Variants in NBAS observed in about 807,000 individuals in gnomAD.
NBAS encodes NBAS subunit of NRZ tethering complex, also known as NAG/BC035112 fusion.
NBAS carries 219 observed loss-of-function variants against 302.5 expected under a neutral mutation model. The ratio of observed to expected loss-of-function variants is 0.72; its 90% confidence interval spans 0.65 to 0.81. The LOEUF (loss-of-function observed/expected upper bound fraction) is 0.81. Among genes scored for constraint, NBAS ranks in the 30% least tolerant of loss-of-function variants. The pLI is 0.00. For missense variants in NBAS, 2,932 were observed against 2,841.6 expected, an observed-to-expected ratio of 1.03 and a Z score of -0.72; for synonymous variants, 1,118 against 1,021.6, an observed-to-expected ratio of 1.09 and a Z score of -1.80.
chr2:14,780,263 T>C, the NBAS span, among the ~76,000 whole-genome samples: 1 of 152,236 alleles, frequency 6.6e-6, no homozygotes, highest in Non-Finnish European at 1.5e-5. Context: ...GTGTAACCTA[T>C]GGGCCTGTAC....
the NBAS span, among the ~76,000 whole-genome samples, chr2:14,992,060 T>C: frequency 6.6e-6 from 1 of 152,148 alleles, no homozygotes; most frequent in Non-Finnish European, 1.5e-5. Flanking sequence ...GGAACAGAGC[T>C]CAGTGTGGGC....
chr2:15,436,953 G>A (rs1678047539), intron 21 of NBAS, among the ~76,000 whole-genome samples: 1 of 152,136 alleles, frequency 6.6e-6, no homozygotes, highest in African/African-American at 2.4e-5. Flanking sequence ...GGATGATTAT[G>A]TATAAATAAA....
the NBAS span, among the ~76,000 whole-genome samples, chr2:14,944,029 G>C: frequency 6.6e-6 from 1 of 152,184 alleles, no homozygotes; most frequent in Non-Finnish European, 1.5e-5. Flanking sequence ...GCCAGGTGCG[G>C]TGGCTCACGC....
At chr2:15,097,077 C>T in the NBAS span, among the ~76,000 whole-genome samples, 1 of 152,136 alleles carries the variant, frequency 6.6e-6, no homozygotes, top group African/African-American at 2.4e-5. Flanking sequence ...TCCTGGGTGA[C>T]TCTGGGAACC....
In NBAS at chr2:15,179,147, C is replaced by T. The variant is rs748008997; in HGVS notation, c.6712-31G>A. 39 of 1,613,522 alleles carry T rather than the reference C, an allele frequency of 2.4e-5. No homozygotes were observed. In the South Asian group the frequency reaches 4.2e-4, roughly 17 times the overall value. On this transcript the variant is annotated intron_variant, in intron 50 of 51. Transcript: ENST00000281513. ...ACCACAGAGCAGGGGTGAGCGAGAA[C>T]TCCACGACGTACTTCTCACCGGCAC... is the stretch of plus-strand genomic sequence containing the variant.
chr2:15,465,939 C>T (rs1028943561), intron 19 of NBAS, among the ~76,000 whole-genome samples: 2 of 152,108 alleles, frequency 1.3e-5, no homozygotes, highest in South Asian at 2.1e-4. Flanking sequence ...CAGACTTCTG[C>T]AATATATTAC....
chr2:15,417,808 C>T (rs767336661), intron 23 of NBAS, 96 bp from the exon 24 acceptor site: 4 of 1,233,772 alleles, frequency 3.2e-6, no homozygotes, highest in Non-Finnish European at 4.5e-6. Context: ...TTCTTATAAT[C>T]ATTTTTTATA....
the NBAS span, among the ~76,000 whole-genome samples, chr2:15,154,954 G>A: frequency 6.6e-6 from 1 of 152,208 alleles, no homozygotes; most frequent in Non-Finnish European, 1.5e-5. Flanking sequence ...CTTTTCCAGT[G>A]TTCTAAGAGT....
chr2:14,873,919 T>C, the NBAS span, among the ~76,000 whole-genome samples: 1 of 151,978 alleles, frequency 6.6e-6, no homozygotes, highest in South Asian at 2.1e-4. Context: ...AAGAGCAAAT[T>C]AAGCACAAAA....
chr2:15,095,303 C>A, the NBAS span, among the ~76,000 whole-genome samples: 2 of 152,172 alleles, frequency 1.3e-5, no homozygotes, highest in Non-Finnish European at 2.9e-5. Flanking sequence ...TTAATGGACT[C>A]ACAGTTCCAC....
the NBAS span, among the ~76,000 whole-genome samples, chr2:14,965,265 A>G: frequency 6.6e-6 from 1 of 152,152 alleles, no homozygotes; most frequent in Admixed American, 6.6e-5. Flanking sequence ...ACTTTGACAG[A>G]TCAATAAAAT....
the NBAS span, among the ~76,000 whole-genome samples, chr2:14,784,130 T>G: frequency 3.3e-5 from 5 of 152,198 alleles, no homozygotes; most frequent in Non-Finnish European, 5.9e-5. Flanking sequence ...TTTTGAGAAG[T>G]GTCTGTTCAT....
intron 21 of NBAS, among the ~76,000 whole-genome samples, chr2:15,436,906 TAGATAGACAGGA>T (rs1349035841): frequency 6.6e-6 from 1 of 152,180 alleles, no homozygotes; most frequent in Non-Finnish European, 1.5e-5. Flanking sequence ...AATAGATGGA[TAGATAGACAGGA>T]GGATGGACAG....
intron 44 of NBAS, among the ~76,000 whole-genome samples, chr2:15,265,180 G>A (rs1340339684): frequency 1.3e-5 from 2 of 152,200 alleles, no homozygotes; most frequent in Admixed American, 6.5e-5. Flanking sequence ...TGCCTACATG[G>A]CTATATCAGG....
chr2:15,469,079 C>A (rs1679846481), intron 16 of NBAS, among the ~76,000 whole-genome samples: 1 of 152,184 alleles, frequency 6.6e-6, no homozygotes, highest in Non-Finnish European at 1.5e-5. Context: ...TTTCCTCCAA[C>A]TCCATTCAAA....
At chr2:15,033,524 G>A in the NBAS span, among the ~76,000 whole-genome samples, 2 of 152,150 alleles carry the variant, frequency 1.3e-5, no homozygotes, top group African/African-American at 4.8e-5. Flanking sequence ...GCCTGGGGTG[G>A]AATGTTAAGG....
At chr2:15,256,689 G>A (rs1668616372) in intron 44 of NBAS, among the ~76,000 whole-genome samples, 1 of 152,078 alleles carries the variant, frequency 6.6e-6, no homozygotes, top group Admixed American at 6.5e-5. Context: ...GTTGGCTGTG[G>A]GTCTGTCAGC....
At chr2:15,147,533 T>C in the NBAS span, among the ~76,000 whole-genome samples, 2 of 151,970 alleles carry the variant, frequency 1.3e-5, no homozygotes, top group African/African-American at 4.8e-5. Flanking sequence ...TGGAGGTTGC[T>C]GTGAGCCAAG....
the NBAS span, among the ~76,000 whole-genome samples, chr2:14,972,024 C>T: frequency 6.6e-6 from 1 of 151,946 alleles, no homozygotes; most frequent in Non-Finnish European, 1.5e-5. Flanking sequence ...CTGTTTCTCA[C>T]CATGCATAAC....
Sources: allele counts gnomAD v4.1 joint callset (sites outside exome capture counted in the v4.1 genomes callset), GRCh38; gene constraint gnomAD v4.1.1; transcripts MANE v1.5; gene names NCBI Gene and HGNC (gene_info 2026-07-23, HGNC 2026-07-21).